The following ARHGAP44 variants were observed in gnomAD, a reference collection of about 807,000 sequenced individuals.
The protein encoded by ARHGAP44 is rho GTPase-activating protein 44.
ARHGAP44 carries 43 observed loss-of-function variants against 106.8 expected under a neutral mutation model. The ratio of observed to expected loss-of-function variants is 0.40; its 90% CI spans 0.32 to 0.52. The LOEUF (loss-of-function observed/expected upper bound fraction) is 0.52. Among genes scored for constraint, ARHGAP44 ranks in the 20% least tolerant of loss-of-function variants. ARHGAP44 has a pLI of 0.48. For synonymous variants in ARHGAP44, 439 were observed against 410.3 expected (o/e 1.07, Z -0.85); for missense variants, 866 against 1,050.5 (o/e 0.82, Z 2.43).
chr17:12,860,110 T>C (rs1466902768), intron 1 of ARHGAP44, among the ~76,000 whole-genome samples: 1 of 152,132 alleles, frequency 6.6e-6, no homozygotes, highest in Non-Finnish European at 1.5e-5. Flanking sequence ...AGTGAGTTAC[T>C]TGTTACCTCT....
intron 1 of ARHGAP44, among the ~76,000 whole-genome samples, chr17:12,878,137 A>T (rs73292149): frequency 0.025 from 3,792 of 152,238 alleles, 156 homozygotes; most frequent in African/African-American, 0.087. Context: ...TGTATTGCAG[A>T]CCTTTTCAGA....
intron 1 of ARHGAP44, among the ~76,000 whole-genome samples, chr17:12,856,792 T>C (rs2035923368): frequency 6.6e-6 from 1 of 152,144 alleles, no homozygotes; most frequent in African/African-American, 2.4e-5. Context: ...GTTAAATGAA[T>C]GTCGAGCTTT....
At chr17:12,946,694 A>G (rs2038860351) in intron 10 of ARHGAP44, among the ~76,000 whole-genome samples, 1 of 151,722 alleles carries the variant, frequency 6.6e-6, no homozygotes, top group African/African-American at 2.4e-5. Context: ...CCAGCTACTC[A>G]GGAGGCTGAG....
At chr17:12,911,202 A>G (rs953662342) in intron 4 of ARHGAP44, among the ~76,000 whole-genome samples, 9 of 152,210 alleles carry the variant, frequency 5.9e-5, no homozygotes, top group African/African-American at 2.2e-4. Context: ...ATCCTGTTGT[A>G]TGGTATTTCC....
intron 1 of ARHGAP44, among the ~76,000 whole-genome samples, chr17:12,893,898 T>C (rs955317768): frequency 2.0e-5 from 3 of 152,182 alleles, no homozygotes; most frequent in African/African-American, 7.2e-5. Context: ...GACAACACTT[T>C]TACCATGTTA....
At chr17:12,814,771 C>T (rs1417405685) in intron 1 of ARHGAP44, among the ~76,000 whole-genome samples, 1 of 152,064 alleles carries the variant, frequency 6.6e-6, no homozygotes, top group Non-Finnish European at 1.5e-5. Context: ...GGGTGTACTC[C>T]TCTTGTTTTC....
intron 1 of ARHGAP44, among the ~76,000 whole-genome samples, chr17:12,809,922 T>C (rs754914949): frequency 1.3e-5 from 2 of 151,740 alleles, no homozygotes; most frequent in Non-Finnish European, 2.9e-5. Context: ...CTGTGAGAAA[T>C]GCAAGGAGAG....
chr17:12,968,417 T>C (rs1598136290), intron 16 of ARHGAP44, among the ~76,000 whole-genome samples: 1 of 152,216 alleles, frequency 6.6e-6, no homozygotes, highest in Non-Finnish European at 1.5e-5. Context: ...CATTCCAGGC[T>C]GAGCCTCCTG....
chr17:12,829,309 T>G (rs1202780268), intron 1 of ARHGAP44, among the ~76,000 whole-genome samples: 1 of 152,086 alleles, frequency 6.6e-6, no homozygotes. Context: ...TTTCCTCTGT[T>G]TGTCTAAACC....
At chr17:12,870,974 T>C (rs532416388) in intron 1 of ARHGAP44, among the ~76,000 whole-genome samples, 2 of 152,298 alleles carry the variant, frequency 1.3e-5, no homozygotes, top group South Asian at 4.1e-4. Flanking sequence ...TTCTCTCTCT[T>C]CTTTTACTTT....
intron 16 of ARHGAP44, among the ~76,000 whole-genome samples, chr17:12,969,452 A>G (rs2039473229): frequency 6.6e-6 from 1 of 152,198 alleles, no homozygotes; most frequent in East Asian, 1.9e-4. Context: ...AGAGAAGCAT[A>G]TTATTCCATT....
chr17:12,953,022 CA>C (rs1363908221), intron 13 of ARHGAP44, among the ~76,000 whole-genome samples: 1 of 152,096 alleles, frequency 6.6e-6, no homozygotes, highest in Admixed American at 6.6e-5. Flanking sequence ...GTTAAAGGAG[CA>C]AAGATGAATG....
intron 1 of ARHGAP44, among the ~76,000 whole-genome samples, chr17:12,800,526 G>GTGA (rs1393172583): frequency 1.3e-5 from 2 of 152,192 alleles, no homozygotes; most frequent in African/African-American, 4.8e-5. Context: ...AAATGAGGAT[G>GTGA]TGAGAAGTTA....
chr17:12,879,923 A>G (rs951587693), intron 1 of ARHGAP44, among the ~76,000 whole-genome samples: 2 of 151,958 alleles, frequency 1.3e-5, no homozygotes, highest in African/African-American at 2.4e-5. Context: ...TTCTTATAAT[A>G]AAACAAGAGA....
chr17:12,861,653 T>TTTTTTTTTTTA (rs755400921), intron 1 of ARHGAP44, among the ~76,000 whole-genome samples: 3,877 of 59,056 alleles, frequency 0.066, 149 homozygotes, highest in African/African-American at 0.17. Flanking sequence ...ACTTTTTTTT[T>TTTTTTTTTTTA]TTTTTGAGAT....
intron 1 of ARHGAP44, among the ~76,000 whole-genome samples, chr17:12,813,714 A>G (rs938382340): frequency 1.3e-5 from 2 of 152,178 alleles, no homozygotes; most frequent in African/African-American, 4.8e-5. Context: ...AAGAGAGTGT[A>G]TCTTTCAGAT....
intron 1 of ARHGAP44, among the ~76,000 whole-genome samples, chr17:12,820,664 C>T (rs1384097029): frequency 6.6e-6 from 1 of 152,158 alleles, no homozygotes; most frequent in Non-Finnish European, 1.5e-5. Flanking sequence ...GATACCTTCA[C>T]TGAGGCCCTA....
chr17:12,893,181 C>T (rs538110847), intron 1 of ARHGAP44, among the ~76,000 whole-genome samples: 10 of 152,066 alleles, frequency 6.6e-5, no homozygotes, highest in Non-Finnish European at 1.2e-4. Flanking sequence ...CTTGGCTGGC[C>T]TTCATTGACC....
chr17:12,971,668 G>A (rs527355283), intron 16 of ARHGAP44, among the ~76,000 whole-genome samples: 1 of 151,600 alleles, frequency 6.6e-6, no homozygotes, highest in African/African-American at 2.4e-5. Context: ...AGCATTTCTG[G>A]GTATCGTATA....
Sources: allele counts gnomAD v4.1 joint callset (sites outside exome capture counted in the v4.1 genomes callset), GRCh38; gene constraint gnomAD v4.1.1; transcripts MANE v1.5; gene names NCBI Gene and HGNC (gene_info 2026-07-23, HGNC 2026-07-21).